FBN1: variants seen among roughly 807,000 people sequenced by gnomAD.
The protein encoded by FBN1 is fibrillin-1.
A neutral mutation model predicts 365.1 loss-of-function variants in FBN1; 29 were observed. The observed-to-expected ratio is 0.08, with a 90% CI of 0.06 to 0.11. The LOEUF is 0.11. Among genes scored for constraint, FBN1 ranks in the 10% least tolerant of loss-of-function variants. FBN1 has a pLI of 1.00. For synonymous variants in FBN1, 1,210 were observed against 1,270.5 expected (o/e 0.95, Z 1.01); for missense variants, 2,476 against 3,703.2 (o/e 0.67, Z 8.60).
chr15:48,581,790 G>C (rs759395280), intron 6 of FBN1, among the ~76,000 whole-genome samples: 2 of 152,110 alleles, frequency 1.3e-5, no homozygotes, highest in Non-Finnish European at 2.9e-5. Flanking sequence ...GGTAATGCTA[G>C]CGACCACAGT....
intron 34 of FBN1, among the ~76,000 whole-genome samples, chr15:48,473,157 T>C (rs565441932): frequency 6.6e-6 from 1 of 152,268 alleles, no homozygotes; most frequent in African/African-American, 2.4e-5. Flanking sequence ...GCCTAATACA[T>C]GGAATTTGAA....
intron 6 of FBN1, among the ~76,000 whole-genome samples, chr15:48,584,604 T>C (rs766432494): frequency 6.6e-6 from 1 of 152,216 alleles, no homozygotes; most frequent in African/African-American, 2.4e-5. Context: ...GGATGCCTTC[T>C]AGGCACTGCC....
intron 6 of FBN1, among the ~76,000 whole-genome samples, chr15:48,591,364 A>T (rs1039643101): frequency 6.6e-6 from 1 of 152,322 alleles, no homozygotes; most frequent in Non-Finnish European, 1.5e-5. Flanking sequence ...CCTCCAAAAA[A>T]GAGTTCCAAA....
chr15:48,460,280 G>T lies in FBN1; in HGVS notation c.5262C>A (p.Gly1754=). The change falls in exon 43 of 66, where the codon GGC becomes GGA. Residue 1754 remains glycine (G), a synonymous_variant. Transcript: ENST00000316623. ...AACCGGTATAAATGTCGATGACAAA[G>T]CCTGGCCTTTGACTTCCACAGAGTG... ...FATLCGSQRP[G]FVIDIYTGLP... The T allele has an allele frequency of 6.2e-7, 1 of 1,613,676 alleles. No homozygotes were observed. Among genetic ancestry groups the T allele is most frequent in the Non-Finnish European group, 8.5e-7 (1 of 1,179,630 alleles).
chr15:48,531,977 T>C (rs2043977264), intron 8 of FBN1, among the ~76,000 whole-genome samples: 1 of 152,258 alleles, frequency 6.6e-6, no homozygotes, highest in Non-Finnish European at 1.5e-5. Flanking sequence ...CTGCTGACTT[T>C]CACATGTAGC....
At position 48,463,127 on chromosome 15, in the gene FBN1, G is replaced by A. The variant is rs752450678; in HGVS notation, c.5179C>T (p.Arg1727Trp). 7 of 1,614,096 alleles carry A rather than the reference G, an allele frequency of 4.3e-6. No homozygotes were observed. Among genetic ancestry groups the A allele is most frequent in the South Asian group, 1.1e-5 (1 of 91,078 alleles). Residue 1727 changes from arginine (R) to tryptophan (W), a missense_variant, in exon 42 of 66, where the codon CGG becomes TGG. By Grantham distance (101) the Arg-to-Trp change is moderately radical (BLOSUM62 -3). This residue lies in a region of FBN1 where 1,780 missense variants were observed against 2,840.8 expected (regional missense o/e 0.63). Transcript: ENST00000316623. ...KMCCCSYNIG[R>W]AWNKPCEQCP... Reference sequence around the variant, plus strand: ...TGTTCACAGGGCTTGTTCCACGCCCGGCCAATGTTGTAGGAACAGCAGCAC... The same window carrying A: ...TGTTCACAGGGCTTGTTCCACGCCCAGCCAATGTTGTAGGAACAGCAGCAC...
Position 48,420,694 on chromosome 15 carries a change from C to T in FBN1, c.7812G>A (p.Gln2604=). The T allele has an allele frequency of 6.2e-7, 1 of 1,614,138 alleles. No individual in the cohort carries two copies. The highest frequency in any genetic ancestry group is 1.1e-5 in the South Asian group (1 of 91,082). ...QGYLQHYQWN[Q]CVDENECLSA... ...TGAGGAAAAGTTACTTGCCAACACACTGGTTCCACTGGTAGTGCTGGAGGT... is the reference window on the plus strand; with the variant it reads ...TGAGGAAAAGTTACTTGCCAACACATTGGTTCCACTGGTAGTGCTGGAGGT... Residue 2604 remains glutamine (Q), a synonymous_variant, in exon 63 of 66, where the codon CAG becomes CAA. Coordinates refer to ENST00000316623, the MANE Select transcript of FBN1 (RefSeq NM_000138.5).
At position 48,488,224 on chromosome 15, in the gene FBN1, T is replaced by G. The variant is rs201156527; in HGVS notation, c.3226A>C (p.Ile1076Leu). Reference sequence around the variant, plus strand: ...CCTCTGCCACAGAGGTCAGGAGATATGCGGCATTCGTCAATGTCTGCACAA... The same window carrying G: ...CCTCTGCCACAGAGGTCAGGAGATAGGCGGCATTCGTCAATGTCTGCACAA... The part of the protein sequence containing the change: ...RNCTDIDECR[I>L]SPDLCGRGQC... The change falls in exon 27 of 66, where the codon ATA becomes CTA. Residue 1076 changes from isoleucine to leucine, a missense_variant. Coordinates refer to ENST00000316623, the MANE Select transcript of FBN1 (RefSeq NM_000138.5). 25 of 1,614,212 alleles carry G rather than the reference T, an allele frequency of 1.5e-5. No homozygotes were observed. In the African/African-American group the frequency reaches 2.8e-4, roughly 18 times the overall value.
intron 2 of FBN1, among the ~76,000 whole-genome samples, chr15:48,619,961 A>T (rs1457524278): frequency 6.6e-6 from 1 of 152,098 alleles, no homozygotes; most frequent in Non-Finnish European, 1.5e-5. Context: ...CCAAATCAAC[A>T]TGTTTTAAAA....
At chr15:48,426,598 C>T (rs769162873) in intron 58 of FBN1, among the ~76,000 whole-genome samples, 195 of 152,114 alleles carry the variant, frequency 1.3e-3, no homozygotes, top group Non-Finnish European at 2.2e-3. Flanking sequence ...TACTGCTTGG[C>T]GAAGTGCCGA....
Position 48,515,510 on chromosome 15 carries a change from C to A in FBN1, c.1345G>T (p.Val449Phe). 1.9e-6 allele frequency: 3 copies of A among 1,613,972 alleles called. No homozygotes were observed. The highest frequency in any genetic ancestry group is 2.5e-6 in the Non-Finnish European group (3 of 1,179,876). Residue 449 changes from valine to phenylalanine, a missense_variant, in exon 12 of 66, where the codon GTT (valine) becomes TTT (phenylalanine). Val to Phe is a conservative substitution (Grantham distance 50). This residue lies in a region of FBN1 where 421 missense variants were observed against 520.1 expected (regional missense o/e 0.81). Coordinates refer to ENST00000316623, the MANE Select transcript of FBN1 (RefSeq NM_000138.5). ...CGGACCAACTGGCAGTAATCAGTAA[C>A]GTTTACTGGCAGCACCCCTAGAAGA... Reference protein sequence around the residue: ...REPPRVLPVNVTDYCQLVRYL... With the variant: ...REPPRVLPVNFTDYCQLVRYL...
chr15:48,602,279 A>G (rs188114607), intron 4 of FBN1, among the ~76,000 whole-genome samples: 281 of 152,166 alleles, frequency 1.8e-3, no homozygotes, highest in African/African-American at 6.6e-3. Context: ...CAATTACTTC[A>G]TATTTCTCTT....
intron 34 of FBN1, 40 bp from the exon 35 acceptor site, chr15:48,472,716 A>T: frequency 6.2e-7 from 1 of 1,614,058 alleles, no homozygotes; most frequent in Non-Finnish European, 8.5e-7. Context: ...TTCCTCGGTT[A>T]GGGGCTTTCT....
intron 6 of FBN1, among the ~76,000 whole-genome samples, chr15:48,564,929 G>C (rs548849925): frequency 2.5e-4 from 38 of 152,302 alleles, no homozygotes; most frequent in African/African-American, 9.1e-4. Flanking sequence ...CCATGAATGT[G>C]CAAAGCACAG....
At chr15:48,469,653 G>A (rs1363690130) in intron 36 of FBN1, among the ~76,000 whole-genome samples, 3 of 152,096 alleles carry the variant, frequency 2.0e-5, no homozygotes, top group Non-Finnish European at 4.4e-5. Flanking sequence ...CGCTGCAGAT[G>A]ATTTTTTTGT....
intron 6 of FBN1, among the ~76,000 whole-genome samples, chr15:48,585,391 G>A (rs1276456757): frequency 6.6e-6 from 1 of 152,198 alleles, no homozygotes; most frequent in Admixed American, 6.5e-5. Flanking sequence ...AATATGGCAG[G>A]AAAGTTGGAG....
At position 48,526,204 on chromosome 15, in the gene FBN1, G is replaced by A. The variant is rs2043912791; in HGVS notation, c.914C>T (p.Thr305Ile). The A allele has an allele frequency of 1.2e-6, 2 of 1,613,972 alleles. No homozygotes were observed. The highest frequency in any genetic ancestry group is 2.2e-5 in the South Asian group (2 of 91,080). Residue 305 changes from threonine to isoleucine, a missense_variant, in exon 9 of 66, where the codon ACA becomes ATA. Around this residue, in one of 5 missense-constraint regions of FBN1, gnomAD observed 421 missense variants for 520.1 expected, o/e 0.81. Coordinates refer to ENST00000316623, the MANE Select transcript of FBN1 (RefSeq NM_000138.5). ...IPGICEGGEC[T>I]NTVSSYFCKC... ...GCAAAAGTAACTGCTGACTGTGTTT[G>A]TACATTCACCCCCTTCACAGATTCC...
intron 9 of FBN1, among the ~76,000 whole-genome samples, chr15:48,522,709 T>A (rs1248302748): frequency 6.6e-6 from 1 of 152,146 alleles, no homozygotes; most frequent in African/African-American, 2.4e-5. Context: ...CAAGGCTAAT[T>A]TAGAAACATT....
chr15:48,472,190 C>T (rs977201152), intron 35 of FBN1, among the ~76,000 whole-genome samples: 7 of 152,222 alleles, frequency 4.6e-5, no homozygotes, highest in African/African-American at 1.2e-4. Context: ...GGAACTTGCA[C>T]TTTCAGCTCT....
Sources: gnomAD v4.1 joint callset for allele counts (sites outside exome capture counted in the v4.1 genomes callset) on GRCh38, gnomAD v4.1.1 for gene constraint, gnomAD v4.1.1 regional missense constraint, MANE v1.5 for transcripts, NCBI Gene and HGNC (gene_info 2026-07-23, HGNC 2026-07-21) for gene names.